Variants in ENDOD1 observed in about 807,000 individuals in gnomAD.
ENDOD1 encodes endonuclease domain-containing 1 protein.
ENDOD1 carries 9 observed loss-of-function variants against 6.5 expected under a neutral mutation model. That is an observed-to-expected ratio of 1.39 (90% CI 0.84 to 2.43). The LOEUF is 2.43. Ranked by LOEUF, ENDOD1 falls within the 30% of genes most tolerant of loss-of-function variation. The probability of loss-of-function intolerance (pLI) is 0.00; values close to 1 mark genes in which losing one functional copy is unlikely to be tolerated. For missense variants in ENDOD1, 648 were observed against 635.5 expected, an observed-to-expected ratio of 1.02 and a Z score of -0.21; for synonymous variants, 255 against 255.2, an observed-to-expected ratio of 1.00 and a Z score of 0.01.
intron 1 of ENDOD1, among the ~76,000 whole-genome samples, chr11:95,119,763 C>T (rs1859244734): frequency 1.3e-5 from 2 of 152,230 alleles, no homozygotes; most frequent in Admixed American, 1.3e-4. Flanking sequence ...AGTGAGTTCC[C>T]CCAGGCCCTG....
chr11:95,124,139 C>T lies in ENDOD1; in HGVS notation c.301-4238C>T, dbSNP rs1859289437. On this transcript the variant is annotated intron_variant, in intron 1 of 1. Coordinates refer to ENST00000278505, the MANE Select transcript of ENDOD1 (RefSeq NM_015036.3). ...TATTAAAAGATAAAAAAGGATTTCC[C>T]AAGAGAGAGAAAAAAAGGAGAATTT... Among the ~76,000 whole-genome samples, 4 of 151,222 alleles carry T rather than the reference C, an allele frequency of 2.6e-5. No homozygotes were observed. The South Asian group carries it at 8.4e-4, about 32-fold the overall frequency.
At chr11:95,094,354 G>C (rs1555110122) in intron 1 of ENDOD1, among the ~76,000 whole-genome samples, 3 of 151,996 alleles carry the variant, frequency 2.0e-5, no homozygotes, top group Non-Finnish European at 2.9e-5. Flanking sequence ...GAGATTCTTT[G>C]ATCTCACAAT....
At chr11:95,112,298 C>T (rs182766095) in intron 1 of ENDOD1, among the ~76,000 whole-genome samples, 9 of 152,368 alleles carry the variant, frequency 5.9e-5, no homozygotes, top group African/African-American at 1.9e-4. Context: ...CATTCCCCTC[C>T]TCATTCAGAT....
chr11:95,116,656 T>C (rs1357365796), intron 1 of ENDOD1, among the ~76,000 whole-genome samples: 6 of 152,230 alleles, frequency 3.9e-5, no homozygotes, highest in Non-Finnish European at 5.9e-5. Flanking sequence ...TTGCTTTTGC[T>C]GTATCCCATA....
chr11:95,098,198 G>A (rs137880073), intron 1 of ENDOD1, among the ~76,000 whole-genome samples: 2 of 152,238 alleles, frequency 1.3e-5, no homozygotes, highest in African/African-American at 4.8e-5. Context: ...GGGAAGATGA[G>A]GAGCTCTTGT....
intron 1 of ENDOD1, among the ~76,000 whole-genome samples, chr11:95,096,099 A>T (rs1858980788): frequency 6.6e-6 from 1 of 152,126 alleles, no homozygotes; most frequent in Non-Finnish European, 1.5e-5. Context: ...TTGGGCATAA[A>T]ATTTCTCTTC....
chr11:95,112,132 G>T (rs1427613175), intron 1 of ENDOD1, among the ~76,000 whole-genome samples: 3 of 152,164 alleles, frequency 2.0e-5, no homozygotes, highest in Admixed American at 2.0e-4. Flanking sequence ...TGCAGCAGGT[G>T]GCACACACTG....
At chr11:95,101,984 T>A (rs1859045250) in intron 1 of ENDOD1, among the ~76,000 whole-genome samples, 1 of 152,168 alleles carries the variant, frequency 6.6e-6, no homozygotes, top group South Asian at 2.1e-4. Context: ...ATTGCATATT[T>A]CTTTCAAGAA....
At chr11:95,097,014 A>T (rs2456965) in intron 1 of ENDOD1, among the ~76,000 whole-genome samples, 139,504 of 152,130 alleles carry the variant, frequency 0.92, 64,009 homozygotes, top group East Asian at 1. Flanking sequence ...ATTAGCGAGG[A>T]GTGCTGGCAT....
intron 1 of ENDOD1, among the ~76,000 whole-genome samples, chr11:95,124,696 A>G (rs980011321): frequency 2.6e-5 from 4 of 152,186 alleles, no homozygotes; most frequent in African/African-American, 7.2e-5. Context: ...ATGTAAGTGT[A>G]TGGGAAATTT....
intron 1 of ENDOD1, among the ~76,000 whole-genome samples, chr11:95,104,559 C>CTATTCCCTCAAAG (rs1428657598): frequency 6.6e-6 from 1 of 152,078 alleles, no homozygotes; most frequent in Non-Finnish European, 1.5e-5. Context: ...ATTCATATCC[C>CTATTCCCTCAAAG]TATTCCCTCA....
Position 95,128,404 on chromosome 11 carries a change from G to A in ENDOD1, c.328G>A (p.Glu110Lys). ...CGATGACCCCAACAGCAACCTTGAG[G>A]AGGCGATTAATGAGGCAGAGGCCAT... The part of the protein sequence containing the change: ...QIDDPNSNLE[E>K]AINEAEAITS... Residue 110 changes from glutamate to lysine, a missense_variant, in exon 2 of 2, where the codon GAG becomes AAG. Physicochemically the swap from Glu to Lys is moderately conservative, Grantham distance 56 (BLOSUM62 1). Coordinates refer to ENST00000278505, the MANE Select transcript of ENDOD1 (RefSeq NM_015036.3). The A allele has an allele frequency of 6.2e-7, 1 of 1,613,884 alleles. No individual in the cohort carries two copies. Among genetic ancestry groups the A allele is most frequent in the Non-Finnish European group, 8.5e-7 (1 of 1,179,878 alleles).
chr11:95,090,521 A>T (rs777043893), intron 1 of ENDOD1, among the ~76,000 whole-genome samples: 25 of 152,338 alleles, frequency 1.6e-4, no homozygotes, highest in Non-Finnish European at 2.6e-4. Flanking sequence ...CTGAGCAGAC[A>T]TCCGCAGTGT....
intron 1 of ENDOD1, among the ~76,000 whole-genome samples, chr11:95,126,676 G>A (rs116587495): frequency 0.011 from 1,664 of 152,090 alleles, 27 homozygotes; most frequent in African/African-American, 0.038. Flanking sequence ...AATTCCAAGT[G>A]CTTTTTAATG....
chr11:95,131,904 G>T lies in ENDOD1; in HGVS notation c.*2325G>T, dbSNP rs533669. Reference sequence around the variant, plus strand: ...GGTGGCCAGTTTTGAAACCTAAAAAGGGACAATAAAGCAAAAAGTATCAGT... The same window carrying T: ...GGTGGCCAGTTTTGAAACCTAAAAATGGACAATAAAGCAAAAAGTATCAGT... On this transcript the variant is annotated 3_prime_UTR_variant, in exon 2 of 2. Transcript: ENST00000278505. 0.19 allele frequency: 29,316 copies of T among 152,074 alleles called. 3,184 individuals are homozygous for T. The highest frequency in any genetic ancestry group is 0.29 in the African/African-American group (11,926 of 41,448). The allele number at this position is 152,074 out of a possible 1,614,324, so 9.4% of individuals were successfully genotyped here.
chr11:95,105,147 G>A (rs1859077537), intron 1 of ENDOD1, among the ~76,000 whole-genome samples: 1 of 152,214 alleles, frequency 6.6e-6, no homozygotes, highest in South Asian at 2.1e-4. Flanking sequence ...CAGGGGCCTG[G>A]CTGGAAACAG....
At position 95,129,808 on chromosome 11, in the gene ENDOD1, A is replaced by C. The variant is rs1591022784; in HGVS notation, c.*229A>C. On this transcript the variant is annotated 3_prime_UTR_variant, in exon 2 of 2. Transcript: ENST00000278505. ...TGTTTACCTCCAGTTATATGTGCAA[A>C]CTCCCAAGCCACTAATAACTTCAGT... The C allele has an allele frequency of 2.0e-6, 1 of 505,964 alleles. No individual in the cohort carries two copies. Among genetic ancestry groups the C allele is most frequent in the South Asian group, 2.5e-5 (1 of 39,904 alleles). The allele number at this position is 505,964 out of a possible 1,614,324, so 31.3% of individuals were successfully genotyped here. A position where few individuals can be genotyped will look rare whatever the true frequency, so the allele number is the denominator to read the frequency against.
chr11:95,093,887 G>T (rs1246469318), intron 1 of ENDOD1, among the ~76,000 whole-genome samples: 1 of 152,136 alleles, frequency 6.6e-6, no homozygotes, highest in Non-Finnish European at 1.5e-5. Flanking sequence ...TCTCTGCTCT[G>T]CCTACAGGAG....
At chr11:95,115,579 A>G (rs7102994) in intron 1 of ENDOD1, among the ~76,000 whole-genome samples, 4,953 of 152,158 alleles carry the variant, frequency 0.033, 269 homozygotes, top group African/African-American at 0.11. Context: ...CATGTTTCAT[A>G]TCTTACAGGA....
Sources: allele counts gnomAD v4.1 joint callset (sites outside exome capture counted in the v4.1 genomes callset), GRCh38; gene constraint gnomAD v4.1.1; transcripts MANE v1.5; gene names NCBI Gene and HGNC (gene_info 2026-07-23, HGNC 2026-07-21).